The following CAGE1 variants were observed in gnomAD, a reference collection of about 807,000 sequenced individuals.
CAGE1 encodes the protein cancer antigen 1, also known as cancer-associated gene 1 protein.
CAGE1 carries 66 observed loss-of-function variants against 94.9 expected under a neutral mutation model. The observed-to-expected ratio is 0.70, with a 90% confidence interval of 0.57 to 0.85. CAGE1 has a LOEUF of 0.85. Among genes scored for constraint, CAGE1 ranks in the 40% least tolerant of loss-of-function variants. The pLI is 0.00. For missense variants in CAGE1, 865 were observed against 950.4 expected (o/e 0.91, Z 1.18); for synonymous variants, 319 against 321.0 (o/e 0.99, Z 0.07).
intron 3 of CAGE1, among the ~76,000 whole-genome samples, chr6:7,383,714 G>A (rs1761017160): frequency 6.6e-6 from 1 of 152,034 alleles, no homozygotes; most frequent in African/African-American, 2.4e-5. Flanking sequence ...ATTAAGGTAG[G>A]ATACATGAAA....
intron 5 of CAGE1, among the ~76,000 whole-genome samples, chr6:7,372,496 G>T (rs1342368731): frequency 6.7e-6 from 1 of 149,874 alleles, no homozygotes; most frequent in Admixed American, 6.7e-5. Context: ...GTAACTGCTG[G>T]AAGATGCTTT....
chr6:7,377,523 G>C (rs6941143), intron 4 of CAGE1, among the ~76,000 whole-genome samples: 3 of 151,892 alleles, frequency 2.0e-5, no homozygotes, highest in Admixed American at 6.6e-5. Context: ...CGGGTGGATC[G>C]GCAGTTCAAG....
chr6:7,333,652 A>C (rs374611036), intron 12 of CAGE1, among the ~76,000 whole-genome samples: 34,874 of 132,112 alleles, frequency 0.26, 4,845 homozygotes, highest in East Asian at 0.37. Flanking sequence ...CTATATATAT[A>C]TATATATATA....
At chr6:7,348,825 G>A (rs1413722368) in intron 11 of CAGE1, among the ~76,000 whole-genome samples, 2 of 152,122 alleles carry the variant, frequency 1.3e-5, no homozygotes, top group African/African-American at 4.8e-5. Flanking sequence ...AGAGCTAGAA[G>A]ACAAGGTCTT....
In CAGE1 at chr6:7,351,530, A is replaced by AAAAATAAAATAAAATAAAATAAAAT. The variant is rs60549717; in HGVS notation, c.2369+3510_2369+3511insATTTTATTTTATTTTATTTTATTTT. Among the ~76,000 whole-genome samples the AAAAATAAAATAAAATAAAATAAAAT allele has an allele frequency of 5.4e-3, 755 of 139,848 alleles. 9 individuals are homozygous for AAAAATAAAATAAAATAAAATAAAAT. The highest frequency in any genetic ancestry group is 0.02 in the African/African-American group (720 of 36,782). The allele number at this position is 139,848 out of a possible 152,430, so 91.7% of individuals were successfully genotyped here. A position where few individuals can be genotyped will look rare whatever the true frequency, so the allele number is the denominator to read the frequency against. On this transcript the variant is annotated intron_variant, in intron 11 of 13. Coordinates refer to ENST00000502583, the MANE Select transcript of CAGE1 (RefSeq NM_001170692.2). ...ACTACCCTAAAACTTAAAGTATAATAAAAATAAAATAAAATAAAATAAGAT... is the reference window on the plus strand; with the variant it reads ...ACTACCCTAAAACTTAAAGTATAATAAAAATAAAATAAAATAAAATAAAATAAAATAAAATAAAATAAAATAAGAT...
chr6:7,377,950 T>C (rs577935795), intron 4 of CAGE1, among the ~76,000 whole-genome samples: 1 of 152,340 alleles, frequency 6.6e-6, no homozygotes, highest in East Asian at 1.9e-4. Context: ...TTCACTTTAG[T>C]AGAAAAAGTA....
rs3812167 is a variant in CAGE1, at chr6:7,388,331, C to G, written c.-24+871G>C. Reference sequence around the variant, plus strand: ...CTTCAGTCATCTGCCCTGGCACGTGCTTCTCTCCTAAAACCTTCCCATCTA... The same window carrying G: ...CTTCAGTCATCTGCCCTGGCACGTGGTTCTCTCCTAAAACCTTCCCATCTA... On this transcript the variant is annotated intron_variant, in intron 1 of 13. Coordinates refer to ENST00000502583, the MANE Select transcript of CAGE1 (RefSeq NM_001170692.2). 2.8e-4 allele frequency among the ~76,000 whole-genome samples: 42 copies of G among 152,318 alleles called. No individual in the cohort carries two copies. The East Asian group carries it at 7.1e-3, about 26-fold the overall frequency.
chr6:7,361,204 T>G (rs1408747), intron 9 of CAGE1, among the ~76,000 whole-genome samples: 5 of 151,940 alleles, frequency 3.3e-5, no homozygotes, highest in African/African-American at 7.3e-5. Flanking sequence ...CTAGTGGGCC[T>G]GAGATCTCTA....
chr6:7,338,454 G>C (rs1253840396), intron 11 of CAGE1, among the ~76,000 whole-genome samples: 1 of 152,278 alleles, frequency 6.6e-6, no homozygotes, highest in East Asian at 1.9e-4. Flanking sequence ...CATGAAGAAT[G>C]ATGTTGGATT....
chr6:7,348,332 T>C (rs932011697), intron 11 of CAGE1, among the ~76,000 whole-genome samples: 1 of 152,046 alleles, frequency 6.6e-6, no homozygotes, highest in African/African-American at 2.4e-5. Flanking sequence ...TAACAATCAC[T>C]GCAGCTCGGC....
intron 3 of CAGE1, among the ~76,000 whole-genome samples, chr6:7,380,102 C>CT (rs1328260197): frequency 6.6e-6 from 1 of 152,112 alleles, no homozygotes; most frequent in Non-Finnish European, 1.5e-5. Context: ...ACGGGACTTG[C>CT]TTTTTATTAT....
In CAGE1 at chr6:7,329,979, T is replaced by A; in HGVS notation, c.2439-91A>T. The A allele has an allele frequency of 6.4e-6, 4 of 620,350 alleles. No individual in the cohort carries two copies. The Admixed American group carries it at 1.1e-4, about 17-fold the overall frequency. The allele number at this position is 620,350 out of a possible 1,614,324, so 38.4% of individuals were successfully genotyped here. A position where few individuals can be genotyped will look rare whatever the true frequency, so the allele number is the denominator to read the frequency against. ...GAGCAAGTTGCCATTATTTAGCATA[T>A]TTTCCCCTCACTTTCAAGGAGAAAT... On this transcript the variant is annotated intron_variant, in intron 12 of 13. Transcript: ENST00000502583.
intron 11 of CAGE1, chr6:7,341,198 G>T: frequency 3.1e-6 from 2 of 641,810 alleles, no homozygotes; most frequent in Non-Finnish European, 2.9e-6. Context: ...TGGAGCAGTT[G>T]ACACAGCTTG....
intron 11 of CAGE1, 129 bp downstream of exon 11, chr6:7,354,912 A>G (rs1759898107): frequency 1.6e-6 from 1 of 632,222 alleles, no homozygotes. Flanking sequence ...ATATTAATAA[A>G]GAATGAACTT....
At chr6:7,365,103 T>G (rs1337282385) in intron 9 of CAGE1, among the ~76,000 whole-genome samples, 1 of 152,220 alleles carries the variant, frequency 6.6e-6, no homozygotes, top group Non-Finnish European at 1.5e-5. Flanking sequence ...AAGTACATTA[T>G]GAGTGTTATT....
At chr6:7,329,199 C>T in intron 13 of CAGE1, 2 of 404,140 alleles carry the variant, frequency 4.9e-6, no homozygotes, top group Non-Finnish European at 8.8e-6. Context: ...TCCCAAAGTG[C>T]TGGGATTACA....
intron 3 of CAGE1, among the ~76,000 whole-genome samples, chr6:7,385,171 A>T (rs1336894540): frequency 6.6e-6 from 1 of 150,836 alleles, no homozygotes. Flanking sequence ...ACACTCAGCT[A>T]ATTTTGTATT....
At position 7,326,805 on chromosome 6, in the gene CAGE1, ACT is replaced by A; in HGVS notation, c.*51_*52del. On this transcript the variant is annotated 3_prime_UTR_variant, in exon 14 of 14. Transcript: ENST00000502583. ...GATTTGGCTAGCATATGTAGTAATG[ACT>A]CTTCCTGGAGTGGTTGACAAAAATG... is the stretch of plus-strand genomic sequence containing the variant. The A allele has an allele frequency of 8.0e-7, 1 of 1,246,570 alleles. No homozygotes were observed. The allele number at this position is 1,246,570 out of a possible 1,614,324, so 77.2% of individuals were successfully genotyped here. A position where few individuals can be genotyped will look rare whatever the true frequency, so the allele number is the denominator to read the frequency against.
At chr6:7,383,306 A>G (rs74972395) in intron 3 of CAGE1, among the ~76,000 whole-genome samples, 1,962 of 152,320 alleles carry the variant, frequency 0.013, 39 homozygotes, top group African/African-American at 0.045. Flanking sequence ...AGACTAATAC[A>G]GCATTTTCTA....
Sources: allele counts gnomAD v4.1 joint callset (sites outside exome capture counted in the v4.1 genomes callset), GRCh38; gene constraint gnomAD v4.1.1; transcripts MANE v1.5; gene names NCBI Gene and HGNC (gene_info 2026-07-23, HGNC 2026-07-21).